KHDRBS3: variants seen among roughly 807,000 people sequenced by gnomAD.
The protein encoded by KHDRBS3 is KH domain-containing, RNA-binding, signal transduction-associated protein 3.
KHDRBS3 carries 23 observed loss-of-function variants against 45.6 expected under a neutral mutation model. The ratio of observed to expected loss-of-function variants is 0.50; its 90% CI spans 0.36 to 0.72. The LOEUF (loss-of-function observed/expected upper bound fraction) is 0.72. KHDRBS3 is among the 30% of genes least tolerant of loss of function. KHDRBS3 has a pLI of 0.00. For missense variants in KHDRBS3, 352 were observed against 424.8 expected, an observed-to-expected ratio of 0.83 and a Z score of 1.51; for synonymous variants, 162 against 156.5, an observed-to-expected ratio of 1.04 and a Z score of -0.26.
At chr8:135,560,940 C>A (rs1827138296) in intron 5 of KHDRBS3, among the ~76,000 whole-genome samples, 1 of 152,210 alleles carries the variant, frequency 6.6e-6, no homozygotes, top group South Asian at 2.1e-4. Flanking sequence ...ACACAACCCA[C>A]TTTACTTCCT....
intron 1 of KHDRBS3, among the ~76,000 whole-genome samples, chr8:135,507,239 C>T (rs551242758): frequency 1.3e-4 from 20 of 152,214 alleles, no homozygotes; most frequent in Admixed American, 2.0e-4. Context: ...TAAAGATCAA[C>T]GAATTATTCC....
At chr8:135,602,227 C>G (rs1829248080) in intron 6 of KHDRBS3, among the ~76,000 whole-genome samples, 1 of 152,196 alleles carries the variant, frequency 6.6e-6, no homozygotes, top group Non-Finnish European at 1.5e-5. Context: ...TGCAGTCACA[C>G]TCAGCTTTTC....
At chr8:135,520,866 C>T (rs1371368354) in intron 1 of KHDRBS3, among the ~76,000 whole-genome samples, 1 of 152,154 alleles carries the variant, frequency 6.6e-6, no homozygotes, top group African/African-American at 2.4e-5. Flanking sequence ...AGATTGGTAA[C>T]TAGGGATGTT....
chr8:135,515,086 G>T (rs1824500636), intron 1 of KHDRBS3, among the ~76,000 whole-genome samples: 1 of 152,018 alleles, frequency 6.6e-6, no homozygotes. Context: ...TCCTTGTGGG[G>T]CTGGGCGCGG....
intron 5 of KHDRBS3, among the ~76,000 whole-genome samples, chr8:135,566,372 T>TGG (rs1827415166): frequency 6.6e-6 from 1 of 152,208 alleles, no homozygotes; most frequent in Non-Finnish European, 1.5e-5. Context: ...GAACTTGATT[T>TGG]TTTAATGTTG....
chr8:135,529,964 T>C lies in KHDRBS3; in HGVS notation c.207+8609T>C, dbSNP rs538129720. Among the ~76,000 whole-genome samples the C allele has an allele frequency of 2.1e-3, 312 of 150,724 alleles. 2 individuals are homozygous for C. Among genetic ancestry groups the C allele is most frequent in the African/African-American group, 7.1e-3 (290 of 40,990 alleles). On this transcript the variant is annotated intron_variant, in intron 2 of 8. Coordinates refer to ENST00000355849, the MANE Select transcript of KHDRBS3 (RefSeq NM_006558.3). ...TACTTGGGAGGCTGAGGTAGGAGAA[T>C]GGTGTGAAACCCGGGAGGTGGAGCT...
chr8:135,506,833 T>G (rs866879973), intron 1 of KHDRBS3, among the ~76,000 whole-genome samples: 27 of 145,856 alleles, frequency 1.9e-4, no homozygotes, highest in Middle Eastern at 7.2e-3. Flanking sequence ...TGTACCATTG[T>G]TTTTTTTTAC....
intron 7 of KHDRBS3, among the ~76,000 whole-genome samples, chr8:135,620,060 T>G (rs1830072953): frequency 6.6e-6 from 1 of 151,952 alleles, no homozygotes; most frequent in Non-Finnish European, 1.5e-5. Context: ...AGTCATCACT[T>G]TAGCAAGGCC....
At chr8:135,563,434 A>G (rs1464176858) in intron 5 of KHDRBS3, among the ~76,000 whole-genome samples, 2 of 152,298 alleles carry the variant, frequency 1.3e-5, no homozygotes, top group Middle Eastern at 3.4e-3. Context: ...CCGAGCACGC[A>G]GTGTGAAGGG....
At chr8:135,502,086 T>TA (rs1823764674) in intron 1 of KHDRBS3, among the ~76,000 whole-genome samples, 1 of 152,188 alleles carries the variant, frequency 6.6e-6, no homozygotes, top group Non-Finnish European at 1.5e-5. Flanking sequence ...TTAACCTTAA[T>TA]AATATTTGAC....
At chr8:135,488,820 G>A (rs541521945) in intron 1 of KHDRBS3, among the ~76,000 whole-genome samples, 114 of 152,332 alleles carry the variant, frequency 7.5e-4, no homozygotes, top group African/African-American at 2.5e-3. Flanking sequence ...GATACTTACT[G>A]TAGTCAGCAT....
intron 1 of KHDRBS3, among the ~76,000 whole-genome samples, chr8:135,515,512 C>G (rs1307257182): frequency 6.7e-6 from 1 of 149,790 alleles, no homozygotes; most frequent in South Asian, 2.2e-4. Context: ...CTACTCTGCT[C>G]TGTGCCCAGA....
At chr8:135,538,454 G>A (rs1825880969) in intron 2 of KHDRBS3, 1 of 152,226 alleles carries the variant, frequency 6.6e-6, no homozygotes, top group Non-Finnish European at 1.5e-5. Flanking sequence ...ATGTGGGTAA[G>A]AGTGGGCCTT....
chr8:135,481,052 G>A (rs947270009), intron 1 of KHDRBS3, among the ~76,000 whole-genome samples: 7 of 151,808 alleles, frequency 4.6e-5, no homozygotes, highest in Non-Finnish European at 8.8e-5. Context: ...ATCCAATGAA[G>A]TCATTCTTTT....
intron 7 of KHDRBS3, among the ~76,000 whole-genome samples, chr8:135,638,702 C>A (rs939814076): frequency 1.3e-5 from 2 of 152,222 alleles, no homozygotes; most frequent in African/African-American, 4.8e-5. Flanking sequence ...GTAATCCCAG[C>A]ACTTTGGGAG....
At chr8:135,627,300 A>T (rs1232416208) in intron 7 of KHDRBS3, among the ~76,000 whole-genome samples, 2 of 152,160 alleles carry the variant, frequency 1.3e-5, no homozygotes, top group Non-Finnish European at 2.9e-5. Context: ...TTATACTTCC[A>T]GCTGCCAAGC....
intron 7 of KHDRBS3, among the ~76,000 whole-genome samples, chr8:135,610,912 T>G (rs1406791846): frequency 2.0e-5 from 3 of 151,850 alleles, no homozygotes; most frequent in Non-Finnish European, 4.4e-5. Context: ...ACAGTGCCAT[T>G]GAAGAGTTAC....
intron 7 of KHDRBS3, among the ~76,000 whole-genome samples, chr8:135,609,195 C>T (rs1310880748): frequency 6.6e-6 from 1 of 152,112 alleles, no homozygotes; most frequent in Non-Finnish European, 1.5e-5. Flanking sequence ...ATTTTTGACT[C>T]TTGTAATAAT....
chr8:135,491,947 T>TA lies in KHDRBS3; in HGVS notation c.89-29288dup, dbSNP rs1335680162. Among the ~76,000 whole-genome samples, 5 of 145,236 alleles carry TA rather than the reference T, an allele frequency of 3.4e-5. No individual in the cohort carries two copies. In the South Asian group the frequency reaches 1.1e-3, roughly 32 times the overall value. On this transcript the variant is annotated intron_variant, in intron 1 of 8. Coordinates refer to ENST00000355849, the MANE Select transcript of KHDRBS3 (RefSeq NM_006558.3). ...GTGCCAACTTCTTTTTTTTTTTTTT[T>TA]AAGCCAATTTTACTTAAGAATGTTC...
Sources: gnomAD v4.1 joint callset for allele counts (sites outside exome capture counted in the v4.1 genomes callset) on GRCh38, gnomAD v4.1.1 for gene constraint, MANE v1.5 for transcripts, NCBI Gene and HGNC (gene_info 2026-07-23, HGNC 2026-07-21) for gene names.